Variants in RBFOX2 observed in about 807,000 individuals in gnomAD.
RBFOX2 encodes RNA binding fox-1 homolog 2, also known as RNA binding protein fox-1 homolog 2.
RBFOX2 carries 10 observed loss-of-function variants against 49.1 expected under a neutral mutation model. The ratio of observed to expected loss-of-function variants is 0.20; its 90% CI spans 0.13 to 0.35. RBFOX2 has a LOEUF of 0.35. Ranked by LOEUF, RBFOX2 falls within the 10% of genes least tolerant of loss-of-function variation. The probability of loss-of-function intolerance (pLI) is 1.00; values close to 1 mark genes in which losing one functional copy is unlikely to be tolerated. For missense variants in RBFOX2, 323 were observed against 486.9 expected (o/e 0.66, Z 3.17); for synonymous variants, 183 against 187.4 (o/e 0.98, Z 0.19).
At chr22:35,766,748 G>T (rs1336602596) in intron 5 of RBFOX2, among the ~76,000 whole-genome samples, 1 of 152,190 alleles carries the variant, frequency 6.6e-6, no homozygotes, top group East Asian at 1.9e-4. Context: ...CACAGACAAG[G>T]ATTAGAATGG....
At chr22:35,929,036 C>T (rs1421725060) in intron 1 of RBFOX2, among the ~76,000 whole-genome samples, 1 of 152,160 alleles carries the variant, frequency 6.6e-6, no homozygotes, top group East Asian at 1.9e-4. Context: ...AGGAGGATCA[C>T]TTGAGGCAGG....
At chr22:36,010,785 T>G (rs2058794100) in intron 1 of RBFOX2, among the ~76,000 whole-genome samples, 1 of 145,150 alleles carries the variant, frequency 6.9e-6, no homozygotes, top group Non-Finnish European at 1.5e-5. Flanking sequence ...ACACGTGTGT[T>G]TATATTCTCT....
intron 1 of RBFOX2, among the ~76,000 whole-genome samples, chr22:35,957,410 T>A (rs866549017): frequency 5.3e-5 from 8 of 152,168 alleles, no homozygotes; most frequent in South Asian, 2.1e-4. Context: ...ATAGGGATCA[T>A]CTAATTCTAA....
intron 1 of RBFOX2, among the ~76,000 whole-genome samples, chr22:35,972,579 G>C (rs1411254980): frequency 6.6e-6 from 1 of 152,084 alleles, no homozygotes; most frequent in South Asian, 2.1e-4. Flanking sequence ...TTTTTCACCA[G>C]TAATATGGGG....
intron 1 of RBFOX2, among the ~76,000 whole-genome samples, chr22:35,958,019 T>C (rs576504081): frequency 5.3e-5 from 8 of 152,300 alleles, no homozygotes; most frequent in African/African-American, 1.9e-4. Flanking sequence ...TTTCAAAGGA[T>C]CATTCTGCAA....
chr22:35,817,316 A>G (rs1220954521), intron 1 of RBFOX2, among the ~76,000 whole-genome samples: 2 of 151,988 alleles, frequency 1.3e-5, no homozygotes, highest in Non-Finnish European at 2.9e-5. Context: ...CATCTCTACT[A>G]AAAATACAAA....
At chr22:35,807,656 C>T (rs532975205) in intron 2 of RBFOX2, among the ~76,000 whole-genome samples, 13 of 151,786 alleles carry the variant, frequency 8.6e-5, no homozygotes, top group Non-Finnish European at 1.6e-4. Flanking sequence ...TAAAATCAAT[C>T]ACCTAAGCTT....
rs149627503 is a variant in RBFOX2 at position 36,008,563 on chromosome 22, T to C, written c.186+19677A>G. On this transcript the variant is annotated intron_variant, in intron 1 of 13. Transcript: ENST00000438146. ...CAAGAGCAGTGGCTCATGCTTGTAA[T>C]CCCAGCACTTTGGGAGCCCGAAGTA... Among the ~76,000 whole-genome samples the C allele has an allele frequency of 8.7e-3, 1,331 of 152,292 alleles. 16 individuals are homozygous for C. The highest frequency in any genetic ancestry group is 0.031 in the African/African-American group (1,280 of 41,560).
At chr22:35,863,137 G>A (rs769887414) in intron 1 of RBFOX2, among the ~76,000 whole-genome samples, 9 of 151,870 alleles carry the variant, frequency 5.9e-5, no homozygotes, top group East Asian at 1.9e-4. Flanking sequence ...GGGCATTTAC[G>A]TTATTTTTGT....
chr22:35,851,830 CAAA>C (rs767671559), intron 1 of RBFOX2, among the ~76,000 whole-genome samples: 4 of 113,144 alleles, frequency 3.5e-5, no homozygotes, highest in Admixed American at 9.1e-5. Flanking sequence ...AACTCCATCT[CAAA>C]AAAAAAAAAA....
At chr22:35,757,560 T>C (rs1157585443) in intron 9 of RBFOX2, among the ~76,000 whole-genome samples, 1 of 152,180 alleles carries the variant, frequency 6.6e-6, no homozygotes, top group Admixed American at 6.5e-5. Flanking sequence ...AAATAACTTA[T>C]TTCTTATAGG....
intron 1 of RBFOX2, among the ~76,000 whole-genome samples, chr22:35,911,443 T>A (rs1028652561): frequency 1.1e-4 from 17 of 152,200 alleles, no homozygotes; most frequent in African/African-American, 3.4e-4. Context: ...TACTGGTGTC[T>A]TAATCGACCT....
At chr22:35,999,053 T>C (rs895936422) in intron 1 of RBFOX2, 8 of 152,376 alleles carry the variant, frequency 5.3e-5, no homozygotes, top group Admixed American at 4.6e-4. Context: ...CAGATGAGAA[T>C]GTCCCAGGCC....
intron 5 of RBFOX2, among the ~76,000 whole-genome samples, chr22:35,765,862 G>A (rs978901511): frequency 4.6e-5 from 7 of 152,204 alleles, no homozygotes; most frequent in Non-Finnish European, 8.8e-5. Context: ...TTGCCACATG[G>A]GTTATGAAAT....
chr22:35,958,483 C>G (rs1488965935), intron 1 of RBFOX2, among the ~76,000 whole-genome samples: 1 of 152,184 alleles, frequency 6.6e-6, no homozygotes, highest in Non-Finnish European at 1.5e-5. Flanking sequence ...CTGGACTTTT[C>G]TATTTCCTCC....
At chr22:35,842,247 T>C (rs754115791), upstream of RBFOX2, among the ~76,000 whole-genome samples, 4 of 152,318 alleles carry the variant, frequency 2.6e-5, no homozygotes, top group Non-Finnish European at 5.9e-5. Context: ...TTTACAGATA[T>C]CTGTATACTT....
At chr22:35,783,505 A>C in intron 2 of RBFOX2, among the ~76,000 whole-genome samples, 1 of 152,032 alleles carries the variant, frequency 6.6e-6, no homozygotes, top group Middle Eastern at 3.2e-3. Context: ...AACCTACAAC[A>C]TGAGGTCTAC....
chr22:35,976,660 CAGTA>C (rs2057171371), intron 1 of RBFOX2, among the ~76,000 whole-genome samples: 4 of 152,040 alleles, frequency 2.6e-5, no homozygotes, highest in Admixed American at 1.3e-4. Context: ...AAAATGAACT[CAGTA>C]AGAAAACGAA....
rs548944246 is a variant in RBFOX2, at chr22:35,817,409, A to G, written c.28-7405T>C. On this transcript the variant is annotated intron_variant, in intron 1 of 11. Transcript: ENST00000405409. Reference sequence around the variant, plus strand: ...CGAGAATCACTTGAACATCGGAGGCAGAGGTTGCAGTGAGCCAAGATCGCG... The same window carrying G: ...CGAGAATCACTTGAACATCGGAGGCGGAGGTTGCAGTGAGCCAAGATCGCG... Among the ~76,000 whole-genome samples the G allele has an allele frequency of 2.0e-5, 3 of 152,198 alleles. No homozygotes were observed. In the South Asian group the frequency reaches 6.2e-4, roughly 32 times the overall value.
Sources: gnomAD v4.1 joint callset for allele counts (sites outside exome capture counted in the v4.1 genomes callset) on GRCh38, gnomAD v4.1.1 for gene constraint, MANE v1.5 for transcripts, NCBI Gene and HGNC (gene_info 2026-07-23, HGNC 2026-07-21) for gene names.